The following SOBP variants were observed in gnomAD, a reference collection of about 807,000 sequenced individuals.
The protein encoded by SOBP is sine oculis-binding protein homolog.
Under a neutral mutation model 53.6 loss-of-function variants are expected in SOBP, and 4 were observed. The ratio of observed to expected loss-of-function variants is 0.07; its 90% CI spans 0.04 to 0.17. The LOEUF is 0.17. SOBP is among the 10% of genes least tolerant of loss of function. SOBP has a pLI of 1.00. For missense variants in SOBP, 1,088 were observed against 1,204.7 expected (o/e 0.90, Z 1.43); for synonymous variants, 584 against 522.6 (o/e 1.12, Z -1.60).
intron 4 of SOBP, among the ~76,000 whole-genome samples, chr6:107,537,716 G>A (rs1424516070): frequency 6.6e-6 from 1 of 151,848 alleles, no homozygotes; most frequent in African/African-American, 2.4e-5. Context: ...AGTTACTCAG[G>A]AGGCTGAGGT....
At chr6:107,496,594 G>T (rs55696701) in intron 1 of SOBP, among the ~76,000 whole-genome samples, 15,678 of 152,180 alleles carry the variant, frequency 0.1, 958 homozygotes, top group South Asian at 0.19. Context: ...ATTGTGTTGT[G>T]GCTAAGAGCA....
intron 4 of SOBP, among the ~76,000 whole-genome samples, chr6:107,568,811 CAAG>C (rs1292785037): frequency 2.0e-5 from 3 of 152,102 alleles, no homozygotes; most frequent in Non-Finnish European, 4.4e-5. Flanking sequence ...ATTTTTGAAA[CAAG>C]AAGATGTTAT....
chr6:107,500,750 C>A (rs918379108), intron 1 of SOBP, among the ~76,000 whole-genome samples: 1 of 152,122 alleles, frequency 6.6e-6, no homozygotes, highest in African/African-American at 2.4e-5. Flanking sequence ...TGGTCTCGAT[C>A]TCCTGACCTT....
At chr6:107,602,529 G>A (rs1277192234) in intron 5 of SOBP, among the ~76,000 whole-genome samples, 1 of 139,604 alleles carries the variant, frequency 7.2e-6, no homozygotes, top group African/African-American at 2.7e-5. Flanking sequence ...TGATCCCCAT[G>A]CAGGAGCGCT....
At chr6:107,610,446 T>A (rs948282095) in intron 5 of SOBP, among the ~76,000 whole-genome samples, 1 of 152,142 alleles carries the variant, frequency 6.6e-6, no homozygotes, top group Non-Finnish European at 1.5e-5. Flanking sequence ...AGGGACACAG[T>A]AGGTCTGAGC....
At chr6:107,613,059 C>G (rs1297369574) in intron 5 of SOBP, among the ~76,000 whole-genome samples, 1 of 152,224 alleles carries the variant, frequency 6.6e-6, no homozygotes, top group Non-Finnish European at 1.5e-5. Flanking sequence ...CACTGGCATA[C>G]AAATATCAGC....
chr6:107,571,771 A>G (rs2115038854), intron 4 of SOBP, among the ~76,000 whole-genome samples: 1 of 152,274 alleles, frequency 6.6e-6, no homozygotes, highest in South Asian at 2.1e-4. Flanking sequence ...TGTCTATATC[A>G]TTTATAGGAA....
In SOBP at chr6:107,498,810, T is replaced by C. The variant is rs140887720; in HGVS notation, c.97-4847T>C. Reference sequence around the variant, plus strand: ...TTTAATTCTCAGAAGAGATCATGCTTTCAGACTAAATGTTAGGATTGCCTT... The same window carrying C: ...TTTAATTCTCAGAAGAGATCATGCTCTCAGACTAAATGTTAGGATTGCCTT... On this transcript the variant is annotated intron_variant, in intron 1 of 6. Transcript: ENST00000317357. Among the ~76,000 whole-genome samples the C allele has an allele frequency of 1.9e-3, 286 of 152,310 alleles. 1 individual carries two copies. The highest frequency in any genetic ancestry group is 0.014 in the Middle Eastern group (4 of 294).
intron 4 of SOBP, among the ~76,000 whole-genome samples, chr6:107,574,848 C>T (rs192374397): frequency 1.3e-3 from 198 of 152,228 alleles, no homozygotes; most frequent in African/African-American, 4.6e-3. Flanking sequence ...GTGCCAGCTC[C>T]CTCACCACCC....
At chr6:107,631,157 T>G (rs950480370) in intron 5 of SOBP, among the ~76,000 whole-genome samples, 1 of 152,222 alleles carries the variant, frequency 6.6e-6, no homozygotes, top group Non-Finnish European at 1.5e-5. Context: ...TAATTCAATC[T>G]GGCAATTTAA....
intron 5 of SOBP, among the ~76,000 whole-genome samples, chr6:107,591,667 A>G (rs941430365): frequency 1.3e-5 from 2 of 152,248 alleles, no homozygotes; most frequent in African/African-American, 4.8e-5. Context: ...GCAGTCCCAT[A>G]TGCAGGGGTT....
At position 107,634,799 on chromosome 6, in the gene SOBP, G is replaced by T; in HGVS notation, c.1955G>T (p.Gly652Val). 1 of 1,401,904 alleles carries T rather than the reference G, an allele frequency of 7.1e-7. No individual in the cohort carries two copies. Among genetic ancestry groups the T allele is most frequent in the Non-Finnish European group, 9.3e-7 (1 of 1,075,438 alleles). 86.8% of individuals were successfully genotyped at this position (1,401,904 alleles called of 1,614,324 possible). The change falls in exon 6 of 7, where the codon GGC becomes GTC. Residue 652 changes from glycine (G) to valine (V), a missense_variant. Gly to Val is a moderately radical substitution (Grantham distance 109, BLOSUM62 -3). This residue lies in a region of SOBP where 665 missense variants were observed against 629.7 expected (regional missense o/e 1.06). Transcript: ENST00000317357. This position sits in a 1 kb window ranked among gnomAD's most constrained non-coding sequence, Gnocchi z 4.5. ...FPGVLQGPQDGVIDLTVGHRA... is the reference protein window; with the variant it reads ...FPGVLQGPQDVVIDLTVGHRA... ...GGCGTGCTGCAGGGCCCGCAGGACG[G>T]CGTCATCGACCTGACCGTGGGCCAC...
chr6:107,597,166 G>A (rs548010958), intron 5 of SOBP, among the ~76,000 whole-genome samples: 2 of 152,266 alleles, frequency 1.3e-5, no homozygotes, highest in South Asian at 2.1e-4. Flanking sequence ...GGGAAGGGAG[G>A]CAATATTGAA....
chr6:107,610,412 TGA>T (rs909288346), intron 5 of SOBP, among the ~76,000 whole-genome samples: 8 of 151,170 alleles, frequency 5.3e-5, no homozygotes, highest in African/African-American at 1.9e-4. Context: ...CAGCAGGGAG[TGA>T]GAGGCAGTGA....
chr6:107,599,473 A>C (rs370961156), intron 5 of SOBP, among the ~76,000 whole-genome samples: 7 of 152,324 alleles, frequency 4.6e-5, no homozygotes, highest in African/African-American at 1.7e-4. Context: ...GCACATGTAT[A>C]GGACTCTAGA....
At chr6:107,545,272 A>G (rs1583195365) in intron 4 of SOBP, among the ~76,000 whole-genome samples, 1 of 152,226 alleles carries the variant, frequency 6.6e-6, no homozygotes, top group South Asian at 2.1e-4. Context: ...AGAGAGAACT[A>G]TATAGTTACG....
intron 3 of SOBP, among the ~76,000 whole-genome samples, chr6:107,532,184 A>G (rs1783842294): frequency 6.6e-6 from 1 of 151,602 alleles, no homozygotes; most frequent in Non-Finnish European, 1.5e-5. Context: ...AATGTGGGTT[A>G]ATAAAAAAAA....
chr6:107,529,490 A>C, intron 3 of SOBP: 2 of 985,422 alleles, frequency 2.0e-6, no homozygotes, highest in Non-Finnish European at 2.4e-6. Context: ...GTCCCAGCAA[A>C]TACTTTCGGA....
At chr6:107,586,504 CT>C (rs753884567) in intron 4 of SOBP, among the ~76,000 whole-genome samples, 173 of 142,712 alleles carry the variant, frequency 1.2e-3, no homozygotes, top group Admixed American at 2.3e-3. Context: ...TTTAATGCAG[CT>C]TTTAAATTAA....
Sources: gnomAD v4.1 joint callset for allele counts (sites outside exome capture counted in the v4.1 genomes callset) on GRCh38, gnomAD v4.1.1 for gene constraint, gnomAD v4.1.1 regional missense constraint, Gnocchi (gnomAD v3.1) non-coding constraint, MANE v1.5 for transcripts, NCBI Gene and HGNC (gene_info 2026-07-23, HGNC 2026-07-21) for gene names.